ZNF407: variants seen among roughly 807,000 people sequenced by gnomAD.
ZNF407 encodes zinc finger protein 407.
Under a neutral mutation model 131.2 loss-of-function variants are expected in ZNF407, and 17 were observed. That is an observed-to-expected ratio of 0.13 (90% CI 0.09 to 0.19). The LOEUF (loss-of-function observed/expected upper bound fraction) is 0.19. Ranked by LOEUF, ZNF407 falls within the 10% of genes least tolerant of loss-of-function variation. The probability of loss-of-function intolerance (pLI) is 1.00; values close to 1 mark genes in which losing one functional copy is unlikely to be tolerated. For missense variants in ZNF407, 2,681 were observed against 2,830.6 expected, an observed-to-expected ratio of 0.95 and a Z score of 1.20; for synonymous variants, 1,156 against 1,062.0, an observed-to-expected ratio of 1.09 and a Z score of -1.72.
intron 8 of ZNF407, among the ~76,000 whole-genome samples, chr18:74,963,851 C>T (rs1188619258): frequency 6.6e-6 from 1 of 152,176 alleles, no homozygotes; most frequent in African/African-American, 2.4e-5. Flanking sequence ...ATTATCCCAT[C>T]TTTTCGTGGA....
At chr18:74,674,795 C>T (rs770984544) in intron 3 of ZNF407, among the ~76,000 whole-genome samples, 4 of 152,140 alleles carry the variant, frequency 2.6e-5, no homozygotes, top group Admixed American at 6.5e-5. Flanking sequence ...TTTCTGCTTA[C>T]GAAGATGGGT....
chr18:74,904,514 C>T (rs1247393653), intron 7 of ZNF407, among the ~76,000 whole-genome samples: 3 of 152,206 alleles, frequency 2.0e-5, no homozygotes, highest in Non-Finnish European at 4.4e-5. Flanking sequence ...AATCACTGCA[C>T]AAACTCAAAG....
chr18:74,674,532 C>T (rs983037044), intron 3 of ZNF407, among the ~76,000 whole-genome samples: 2 of 152,168 alleles, frequency 1.3e-5, no homozygotes, highest in African/African-American at 4.8e-5. Context: ...TCTCTGACAC[C>T]ATAGTATCCT....
chr18:74,950,157 G>GGCTCCAGAAGTCACC (rs1972197845), intron 8 of ZNF407, among the ~76,000 whole-genome samples: 2 of 152,160 alleles, frequency 1.3e-5, no homozygotes, highest in Non-Finnish European at 2.9e-5. Flanking sequence ...AGCCAGTGGT[G>GGCTCCAGAAGTCACC]CCCAAGAAGG....
At chr18:74,695,659 A>T (rs1373710722) in intron 3 of ZNF407, among the ~76,000 whole-genome samples, 2 of 152,102 alleles carry the variant, frequency 1.3e-5, no homozygotes, top group African/African-American at 4.8e-5. Flanking sequence ...TGGAACTAGG[A>T]TCAGTAGTTA....
chr18:74,601,912 A>G (rs984450234), intron 1 of ZNF407, among the ~76,000 whole-genome samples: 3 of 152,232 alleles, frequency 2.0e-5, no homozygotes, highest in African/African-American at 7.2e-5. Context: ...TTGGAGCAGA[A>G]AGGAAGTACA....
At chr18:74,686,554 A>C (rs545585689) in intron 3 of ZNF407, among the ~76,000 whole-genome samples, 38 of 152,310 alleles carry the variant, frequency 2.5e-4, no homozygotes, top group Admixed American at 1.0e-3. Context: ...TGCAAGATGT[A>C]AAACCTATAT....
chr18:74,911,500 AT>A (rs1971669970), intron 7 of ZNF407, among the ~76,000 whole-genome samples: 1 of 152,122 alleles, frequency 6.6e-6, no homozygotes, highest in Non-Finnish European at 1.5e-5. Context: ...CTTATTTTTT[AT>A]TGATTTTTAT....
intron 3 of ZNF407, 25 bp downstream of exon 3, chr18:74,641,147 C>T (rs376720010): frequency 1.0e-4 from 160 of 1,559,678 alleles, no homozygotes; most frequent in Non-Finnish European, 1.3e-4. Context: ...GCCATCTCTG[C>T]TGCGTGAACC....
At chr18:74,880,980 T>C in intron 5 of ZNF407, 56 bp from the exon 6 acceptor site, 1 of 1,435,178 alleles carries the variant, frequency 7.0e-7, no homozygotes, top group Non-Finnish European at 9.6e-7. Flanking sequence ...CCTTGATAGA[T>C]ATGTTTTAAT....
At chr18:74,998,276 A>G (rs2122152642) in intron 8 of ZNF407, among the ~76,000 whole-genome samples, 1 of 152,282 alleles carries the variant, frequency 6.6e-6, no homozygotes, top group Non-Finnish European at 1.5e-5. Context: ...GGCAAAGCAA[A>G]AACACCAAGA....
chr18:75,025,221 C>T (rs1389334658), intron 8 of ZNF407, among the ~76,000 whole-genome samples: 2 of 152,220 alleles, frequency 1.3e-5, no homozygotes, highest in East Asian at 3.9e-4. Flanking sequence ...AGAAATAGCA[C>T]GTTTCTAGAT....
At chr18:74,799,782 A>G (rs1480652676) in intron 4 of ZNF407, among the ~76,000 whole-genome samples, 1 of 152,018 alleles carries the variant, frequency 6.6e-6, no homozygotes, top group Non-Finnish European at 1.5e-5. Context: ...ATGCACCTGT[A>G]TCCTACAAGT....
chr18:74,989,757 C>T (rs1035930837), intron 8 of ZNF407, among the ~76,000 whole-genome samples: 10 of 151,616 alleles, frequency 6.6e-5, no homozygotes, highest in Non-Finnish European at 1.5e-4. Context: ...GCAGGAGAAT[C>T]GCTTGAACCC....
In ZNF407 at chr18:75,064,777, G is replaced by T; in HGVS notation, c.*309G>T. ...CCTCCCGCTTCGTCCTGGCCGCTGT[G>T]CTGAAGAGAAGCCAAGTGTTGTTGG... is the stretch of plus-strand genomic sequence containing the variant. On this transcript the variant is annotated 3_prime_UTR_variant, in exon 9 of 9. Coordinates refer to ENST00000299687, the MANE Select transcript of ZNF407 (RefSeq NM_017757.3). The T allele has an allele frequency of 3.4e-6, 1 of 293,846 alleles. No individual in the cohort carries two copies. Among genetic ancestry groups the T allele is most frequent in the Non-Finnish European group, 6.3e-6 (1 of 157,992 alleles). 18.2% of individuals were successfully genotyped at this position (293,846 alleles called of 1,614,324 possible).
intron 4 of ZNF407, among the ~76,000 whole-genome samples, chr18:74,833,143 G>C (rs760883156): frequency 8.5e-5 from 13 of 152,148 alleles, no homozygotes; most frequent in Non-Finnish European, 1.8e-4. Flanking sequence ...CCTCTGAATA[G>C]ATTACACAAC....
At chr18:74,765,480 C>T (rs1176837694) in intron 3 of ZNF407, among the ~76,000 whole-genome samples, 1 of 152,316 alleles carries the variant, frequency 6.6e-6, no homozygotes, top group South Asian at 2.1e-4. Flanking sequence ...AGGATCAGAA[C>T]AGTGCTCAGT....
intron 3 of ZNF407, among the ~76,000 whole-genome samples, chr18:74,704,263 C>T (rs1389597229): frequency 2.0e-5 from 3 of 152,170 alleles, no homozygotes; most frequent in Admixed American, 6.5e-5. Flanking sequence ...AGTAATTCTT[C>T]GAAGCATCTT....
At chr18:74,854,728 C>G (rs1970835151) in intron 4 of ZNF407, among the ~76,000 whole-genome samples, 1 of 152,176 alleles carries the variant, frequency 6.6e-6, no homozygotes, top group South Asian at 2.1e-4. Flanking sequence ...GACACACACA[C>G]ATAGCCTATA....
Sources: allele counts gnomAD v4.1 joint callset (sites outside exome capture counted in the v4.1 genomes callset), GRCh38; gene constraint gnomAD v4.1.1; transcripts MANE v1.5; gene names NCBI Gene and HGNC (gene_info 2026-07-23, HGNC 2026-07-21).